PLCL1: variants seen among roughly 807,000 people sequenced by gnomAD.
PLCL1 encodes the protein phospholipase C like 1 (inactive), also known as inactive phospholipase C-like protein 1.
PLCL1 carries 41 observed loss-of-function variants against 84.4 expected under a neutral mutation model. The ratio of observed to expected loss-of-function variants is 0.49; its 90% CI spans 0.38 to 0.63. The LOEUF is 0.63. Among genes scored for constraint, PLCL1 ranks in the 30% least tolerant of loss-of-function variants. The pLI, the probability that PLCL1 is intolerant of heterozygous loss-of-function variation, is 0.00. For missense variants in PLCL1, 1,206 were observed against 1,367.8 expected, an observed-to-expected ratio of 0.88 and a Z score of 1.87; for synonymous variants, 490 against 488.3, an observed-to-expected ratio of 1.00 and a Z score of -0.05.
intron 1 of PLCL1, among the ~76,000 whole-genome samples, chr2:198,020,759 A>C (rs1335411319): frequency 6.6e-6 from 1 of 152,156 alleles, no homozygotes; most frequent in African/African-American, 2.4e-5. Context: ...AAGTTCTTAG[A>C]GGCCTACAAA....
At chr2:197,962,755 G>T (rs1299840379) in intron 1 of PLCL1, among the ~76,000 whole-genome samples, 1 of 151,768 alleles carries the variant, frequency 6.6e-6, no homozygotes, top group African/African-American at 2.4e-5. Context: ...ACCTTTCCCA[G>T]CCTCTAGTAA....
intron 3 of PLCL1, among the ~76,000 whole-genome samples, chr2:198,100,361 G>C (rs1693301392): frequency 6.6e-6 from 1 of 152,038 alleles, no homozygotes; most frequent in South Asian, 2.1e-4. Flanking sequence ...TTGGGAATAT[G>C]GGGAGTGAGA....
intron 1 of PLCL1, among the ~76,000 whole-genome samples, chr2:197,900,333 G>A (rs187914286): frequency 6.4e-4 from 97 of 152,278 alleles, no homozygotes; most frequent in African/African-American, 2.2e-3. Context: ...TAGGTGAAAT[G>A]GAGCTAAAGA....
chr2:197,907,140 C>T (rs1688401240), intron 1 of PLCL1, among the ~76,000 whole-genome samples: 1 of 152,200 alleles, frequency 6.6e-6, no homozygotes, highest in Non-Finnish European at 1.5e-5. Context: ...GACAAGGATG[C>T]CCTCTCTTAC....
At chr2:197,810,369 T>A (rs1448285456) in intron 1 of PLCL1, 4 of 698,818 alleles carry the variant, frequency 5.7e-6, no homozygotes, top group Non-Finnish European at 8.8e-6. Context: ...GAAGTGTCTG[T>A]TGATTAGTGT....
chr2:197,939,570 C>T (rs1039525808), intron 1 of PLCL1, among the ~76,000 whole-genome samples: 1 of 152,072 alleles, frequency 6.6e-6, no homozygotes. Context: ...TCCCTCTGTA[C>T]CCATCCGTAT....
chr2:197,960,673 T>C (rs772051449), intron 1 of PLCL1, among the ~76,000 whole-genome samples: 1 of 152,088 alleles, frequency 6.6e-6, no homozygotes, highest in African/African-American at 2.4e-5. Context: ...AGATTTGCTT[T>C]ACCATCTGTG....
intron 1 of PLCL1, among the ~76,000 whole-genome samples, chr2:197,923,922 A>G (rs901029689): frequency 6.6e-6 from 1 of 151,736 alleles, no homozygotes; most frequent in African/African-American, 2.4e-5. Flanking sequence ...TCGGGAGGCC[A>G]AGGCTGGCGG....
intron 1 of PLCL1, among the ~76,000 whole-genome samples, chr2:197,994,915 G>A (rs1404756301): frequency 2.0e-5 from 3 of 152,156 alleles, no homozygotes; most frequent in Non-Finnish European, 4.4e-5. Context: ...GAGAACCAGT[G>A]AAGAAAGGAG....
intron 1 of PLCL1, among the ~76,000 whole-genome samples, chr2:197,872,756 A>G (rs1687670747): frequency 6.6e-6 from 1 of 152,176 alleles, no homozygotes; most frequent in Non-Finnish European, 1.5e-5. Flanking sequence ...TTATATTATT[A>G]TTATTTGTTT....
chr2:197,897,117 CTT>C (rs1688153220), intron 1 of PLCL1, among the ~76,000 whole-genome samples: 1 of 33,756 alleles, frequency 3.0e-5, no homozygotes, highest in Non-Finnish European at 5.5e-5. Context: ...TCTTCTTCTT[CTT>C]CTTCTTCTTC....
Position 197,831,675 on chromosome 2 carries a change from A to C in PLCL1, c.240+26336A>C, listed in dbSNP as rs547747615. Among the ~76,000 whole-genome samples, 252 of 152,350 alleles carry C rather than the reference A, an allele frequency of 1.7e-3. 1 individual carries two copies. The highest frequency in any genetic ancestry group is 3.0e-3 in the Non-Finnish European group (206 of 68,030). On this transcript the variant is annotated intron_variant, in intron 1 of 5. Coordinates refer to ENST00000428675, the MANE Select transcript of PLCL1 (RefSeq NM_006226.4). ...CAGCTCTGGACCAAGCAGCCCTAAT[A>C]GACATCTACAGAACTCTCCACCCCA...
At chr2:197,981,885 A>G (rs1690114673) in intron 1 of PLCL1, among the ~76,000 whole-genome samples, 1 of 152,182 alleles carries the variant, frequency 6.6e-6, no homozygotes, top group African/African-American at 2.4e-5. Context: ...TAAAGTCACA[A>G]CCTAGAAGGG....
intron 1 of PLCL1, among the ~76,000 whole-genome samples, chr2:197,867,640 A>G (rs572182960): frequency 1.3e-5 from 2 of 152,262 alleles, no homozygotes. Context: ...AGCCTTAACC[A>G]GGAGCAATCA....
chr2:198,000,369 A>G (rs1428283887), intron 1 of PLCL1, among the ~76,000 whole-genome samples: 1 of 152,206 alleles, frequency 6.6e-6, no homozygotes, highest in Non-Finnish European at 1.5e-5. Flanking sequence ...GGTTTGGGGT[A>G]CAAATGATCT....
At chr2:197,950,325 C>G (rs1685541312) in intron 1 of PLCL1, among the ~76,000 whole-genome samples, 1 of 152,136 alleles carries the variant, frequency 6.6e-6, no homozygotes, top group African/African-American at 2.4e-5. Flanking sequence ...TTCAGTTCCA[C>G]AGCTGGGGGT....
intron 1 of PLCL1, among the ~76,000 whole-genome samples, chr2:197,959,943 A>C (rs774249346): frequency 2.2e-4 from 33 of 152,152 alleles, no homozygotes; most frequent in Non-Finnish European, 4.0e-4. Context: ...CCTTGCCTCC[A>C]TAGCTACTAA....
chr2:198,016,812 G>A (rs1691010292), intron 1 of PLCL1, among the ~76,000 whole-genome samples: 1 of 152,182 alleles, frequency 6.6e-6, no homozygotes, highest in Admixed American at 6.6e-5. Context: ...AGCATGGTGA[G>A]AGTCTTGAAG....
intron 1 of PLCL1, among the ~76,000 whole-genome samples, chr2:198,008,705 T>A (rs767456068): frequency 6.6e-6 from 1 of 152,080 alleles, no homozygotes; most frequent in Non-Finnish European, 1.5e-5. Flanking sequence ...CTGAATTCTT[T>A]TGGATATATA....
Sources: gnomAD v4.1 joint callset for allele counts (sites outside exome capture counted in the v4.1 genomes callset) on GRCh38, gnomAD v4.1.1 for gene constraint, MANE v1.5 for transcripts, NCBI Gene and HGNC (gene_info 2026-07-23, HGNC 2026-07-21) for gene names.